The following FIBCD1 variants were observed in gnomAD, a reference collection of about 807,000 sequenced individuals.
FIBCD1 encodes the protein fibrinogen C domain-containing protein 1.
A neutral mutation model predicts 45.1 loss-of-function variants in FIBCD1; 47 were observed. The observed-to-expected ratio is 1.04, with a 90% CI of 0.82 to 1.33. The LOEUF (loss-of-function observed/expected upper bound fraction) is 1.33, where lower values mean the gene tolerates loss of function less well. FIBCD1 is among the 40% of genes most tolerant of loss of function. The pLI is 0.00. For missense variants in FIBCD1, 653 were observed against 682.2 expected, an observed-to-expected ratio of 0.96 and a Z score of 0.48; for synonymous variants, 313 against 308.1, an observed-to-expected ratio of 1.02 and a Z score of -0.17.
intron 5 of FIBCD1, among the ~76,000 whole-genome samples, chr9:130,906,378 G>A (rs970222639): frequency 2.6e-5 from 4 of 152,088 alleles, no homozygotes; most frequent in Non-Finnish European, 4.4e-5. Context: ...CCCCGGCTCC[G>A]CACCTCCCGG....
At chr9:130,933,161 C>T (rs542244695) in intron 1 of FIBCD1, among the ~76,000 whole-genome samples, 166 of 152,342 alleles carry the variant, frequency 1.1e-3, no homozygotes, top group Non-Finnish European at 1.9e-3. Context: ...TGAAACAGGG[C>T]ACTCAGCAGA....
intron 4 of FIBCD1, among the ~76,000 whole-genome samples, chr9:130,914,275 C>T (rs773578366): frequency 6.6e-6 from 1 of 152,218 alleles, no homozygotes; most frequent in Non-Finnish European, 1.5e-5. Context: ...GATGTTCCAC[C>T]GAGCATCTCC....
intron 4 of FIBCD1, among the ~76,000 whole-genome samples, chr9:130,917,666 T>C (rs1197482020): frequency 6.6e-6 from 1 of 152,176 alleles, no homozygotes; most frequent in East Asian, 1.9e-4. Flanking sequence ...GCCCAGAACA[T>C]GCAGCTAGCG....
intron 4 of FIBCD1, among the ~76,000 whole-genome samples, chr9:130,915,805 T>G (rs1441526414): frequency 6.6e-6 from 1 of 152,230 alleles, no homozygotes; most frequent in African/African-American, 2.4e-5. Context: ...CCAAGACACA[T>G]CTGTGGTCTG....
In FIBCD1 at chr9:130,929,592, T is replaced by G. The variant is rs1393098831; in HGVS notation, c.527A>C (p.Gln176Pro). ...CTGGATGAGGCGGCCCTGCTCACTC[T>G]GCAGGGCGCTGAGGCCCTGGCCCAG... ...GTLGQGLSAL[Q>P]SEQGRLIQLL... The change falls in exon 2 of 7, where the codon CAG becomes CCG. Residue 176 changes from glutamine (Q) to proline (P), a missense_variant. Physicochemically the swap from Gln to Pro is moderately conservative, Grantham distance 76. Transcript: ENST00000372338. 4 of 1,513,064 alleles carry G rather than the reference T, an allele frequency of 2.6e-6. No individual in the cohort carries two copies. The highest frequency in any genetic ancestry group is 2.2e-5 in the Admixed American group (1 of 44,510). 93.7% of individuals were successfully genotyped at this position (1,513,064 alleles called of 1,614,324 possible). A position where few individuals can be genotyped will look rare whatever the true frequency, so the allele number is the denominator to read the frequency against.
At position 130,923,767 on chromosome 9, in the gene FIBCD1, G is replaced by C; in HGVS notation, c.826C>G (p.Arg276Gly). The C allele has an allele frequency of 1.2e-6, 2 of 1,612,608 alleles. No individual in the cohort carries two copies. The highest frequency in any genetic ancestry group is 1.7e-6 in the Non-Finnish European group (2 of 1,179,924). ...PAGFQVYCDMRTDGGGWTVFQ... is the reference protein window; with the variant it reads ...PAGFQVYCDMGTDGGGWTVFQ... ...ACCGTCCAGCCGCCGCCGTCCGTGC[G>C]CATGTCACAGTACACCTGGAAGCCG... The change falls in exon 4 of 7, where the codon CGC (arginine) becomes GGC (glycine). Residue 276 changes from arginine (R) to glycine (G), a missense_variant. Coordinates refer to ENST00000372338, the MANE Select transcript of FIBCD1 (RefSeq NM_032843.5).
chr9:130,925,867 C>T (rs996657727), intron 2 of FIBCD1, among the ~76,000 whole-genome samples: 32 of 152,250 alleles, frequency 2.1e-4, no homozygotes, highest in Non-Finnish European at 4.0e-4. Flanking sequence ...ATAGCCCATT[C>T]GTGGAAGGAA....
At chr9:130,915,397 G>A (rs905147363) in intron 4 of FIBCD1, among the ~76,000 whole-genome samples, 1 of 152,128 alleles carries the variant, frequency 6.6e-6, no homozygotes, top group Admixed American at 6.5e-5. Context: ...CCGAATCAAC[G>A]CCCACTTAGA....
chr9:130,920,447 G>A (rs1832243202), intron 4 of FIBCD1, among the ~76,000 whole-genome samples: 1 of 152,146 alleles, frequency 6.6e-6, no homozygotes. Flanking sequence ...CCATTTTACA[G>A]ATGAGAAAAG....
rs1413829831 is a variant in FIBCD1 at position 130,929,647 on chromosome 9, A to G, written c.472T>C (p.Cys158Arg). 1.9e-6 allele frequency: 3 copies of G among 1,591,672 alleles called. No homozygotes were observed. Among genetic ancestry groups the G allele is most frequent in the Non-Finnish European group, 2.6e-6 (3 of 1,170,420 alleles). Residue 158 changes from cysteine to arginine, a missense_variant, in exon 2 of 7, where the codon TGC becomes CGC. Transcript: ENST00000372338. ...CCATGCCCCTTCCGCAGCCCCATGCACTCCGTCTGCAGCTCTGAGGCTCGG... is the reference window on the plus strand; with the variant it reads ...CCATGCCCCTTCCGCAGCCCCATGCGCTCCGTCTGCAGCTCTGAGGCTCGG... ...LARASELQTE[C>R]MGLRKGHGTL...
At chr9:130,914,549 G>T (rs1168792005) in intron 4 of FIBCD1, among the ~76,000 whole-genome samples, 2 of 152,210 alleles carry the variant, frequency 1.3e-5, no homozygotes, top group Non-Finnish European at 2.9e-5. Context: ...CGGGTAGTGG[G>T]GAGACCCCAG....
rs745883155 is a variant in FIBCD1 at position 130,905,380 on chromosome 9, G to A, written c.980C>T (p.Ala327Val). Residue 327 changes from alanine (A) to valine (V), a missense_variant, in exon 6 of 7, where the codon GCT becomes GTT. By Grantham distance (64) the Ala-to-Val change is moderately conservative (BLOSUM62 0). Coordinates refer to ENST00000372338, the MANE Select transcript of FIBCD1 (RefSeq NM_032843.5). ...CAGGTCCACGTGCAGCTCGTAGGCA[G>A]CCTGTGTGGTCAGGGCGTGGATCCT... ...LKRIHALTTQ[A>V]AYELHVDLED... The A allele has an allele frequency of 3.1e-6, 5 of 1,614,006 alleles. No homozygotes were observed. The highest frequency in any genetic ancestry group is 4.2e-6 in the Non-Finnish European group (5 of 1,179,960).
At chr9:130,908,404 G>T (rs1831973709) in intron 5 of FIBCD1, among the ~76,000 whole-genome samples, 1 of 152,360 alleles carries the variant, frequency 6.6e-6, no homozygotes, top group African/African-American at 2.4e-5. Flanking sequence ...GCTCCAGGGG[G>T]TGGGTGGTGG....
At chr9:130,911,042 A>G (rs1481595391) in intron 5 of FIBCD1, among the ~76,000 whole-genome samples, 1 of 151,424 alleles carries the variant, frequency 6.6e-6, no homozygotes, top group Non-Finnish European at 1.5e-5. Context: ...GCCACATAAG[A>G]GAATAAAAGC....
chr9:130,917,549 C>T (rs1388885471), intron 4 of FIBCD1, among the ~76,000 whole-genome samples: 1 of 152,180 alleles, frequency 6.6e-6, no homozygotes, highest in Non-Finnish European at 1.5e-5. Flanking sequence ...CCGAGGGAGG[C>T]GGAGATGCCT....
chr9:130,929,606 G>A lies in FIBCD1; in HGVS notation c.513C>T (p.Gly171=). ...CCTGCTCACTCTGCAGGGCGCTGAGGCCCTGGCCCAGCGTGCCATGCCCCT... is the reference window on the plus strand; with the variant it reads ...CCTGCTCACTCTGCAGGGCGCTGAGACCCTGGCCCAGCGTGCCATGCCCCT... ...LRKGHGTLGQ[G]LSALQSEQGR... is the part of the protein sequence containing the mutation. Residue 171 remains glycine, a synonymous_variant, in exon 2 of 7, where the codon GGC becomes GGT. Coordinates refer to ENST00000372338, the MANE Select transcript of FIBCD1 (RefSeq NM_032843.5). 2.6e-6 allele frequency: 4 copies of A among 1,526,772 alleles called. No homozygotes were observed. Among genetic ancestry groups the A allele is most frequent in the Non-Finnish European group, 3.5e-6 (4 of 1,139,762 alleles). The allele number at this position is 1,526,772 out of a possible 1,614,324, so 94.6% of individuals were successfully genotyped here. A position where few individuals can be genotyped will look rare whatever the true frequency, so the allele number is the denominator to read the frequency against.
At chr9:130,921,995 G>A (rs988340812) in intron 4 of FIBCD1, among the ~76,000 whole-genome samples, 9 of 152,162 alleles carry the variant, frequency 5.9e-5, no homozygotes, top group Non-Finnish European at 1.2e-4. Context: ...CCGCCTGTGC[G>A]GGCCTCCCCG....
intron 1 of FIBCD1, 102 bp downstream of exon 1, chr9:130,938,434 C>A: frequency 2.0e-6 from 2 of 992,384 alleles, no homozygotes; most frequent in Admixed American, 4.2e-5. Flanking sequence ...CGAAGGGGTG[C>A]GCCCCAAACT....
chr9:130,934,390 C>T (rs895770942), intron 1 of FIBCD1, among the ~76,000 whole-genome samples: 2 of 152,290 alleles, frequency 1.3e-5, no homozygotes, highest in South Asian at 4.1e-4. Context: ...ACCGCCATAC[C>T]GCTGGGGACC....
Sources: gnomAD v4.1 joint callset for allele counts (sites outside exome capture counted in the v4.1 genomes callset) on GRCh38, gnomAD v4.1.1 for gene constraint, MANE v1.5 for transcripts, NCBI Gene and HGNC (gene_info 2026-07-23, HGNC 2026-07-21) for gene names.